The following RFC3 variants were observed in gnomAD, a reference collection of about 807,000 sequenced individuals.
RFC3 encodes A1 38 kDa subunit.
Under a neutral mutation model 45.1 loss-of-function variants are expected in RFC3, and 41 were observed. The observed-to-expected ratio is 0.91, with a 90% CI of 0.71 to 1.18. The LOEUF is 1.18. RFC3 is among the 50% of genes most tolerant of loss of function. The probability of loss-of-function intolerance (pLI) is 0.00; values close to 1 mark genes in which losing one functional copy is unlikely to be tolerated. For synonymous variants in RFC3, 149 were observed against 144.0 expected (o/e 1.03, Z -0.25); for missense variants, 423 against 428.1 (o/e 0.99, Z 0.10).
rs1300163388 is a variant in RFC3 at position 33,837,006 on chromosome 13, C to G, written c.*711C>G. Reference sequence around the variant, plus strand: ...TTTGTGTTTTGTCATTAGCTCTGCCCTTTTTAATTAAATATTTTGGTTCAT... The same window carrying G: ...TTTGTGTTTTGTCATTAGCTCTGCCGTTTTTAATTAAATATTTTGGTTCAT... On this transcript the variant is annotated 3_prime_UTR_variant, in exon 9 of 9. Transcript: ENST00000380071. 1 of 984,534 alleles carries G rather than the reference C, an allele frequency of 1.0e-6. No individual in the cohort carries two copies. Among genetic ancestry groups the G allele is most frequent in the East Asian group, 1.1e-4 (1 of 8,826 alleles). 61.0% of individuals were successfully genotyped at this position (984,534 alleles called of 1,614,324 possible). A position where few individuals can be genotyped will look rare whatever the true frequency, so the allele number is the denominator to read the frequency against.
In RFC3 at chr13:33,819,745, A is replaced by G. The variant is rs570783731; in HGVS notation, c.88-1387A>G. 1.8e-4 allele frequency among the ~76,000 whole-genome samples: 27 copies of G among 152,362 alleles called. 1 individual carries two copies. Among genetic ancestry groups the G allele is most frequent in the African/African-American group, 6.3e-4 (26 of 41,584 alleles). On this transcript the variant is annotated intron_variant, in intron 1 of 8. Coordinates refer to ENST00000380071, the MANE Select transcript of RFC3 (RefSeq NM_002915.4). Reference sequence around the variant, plus strand: ...TTTTGTTGTACAGAATTTGGAATGTATATTTTGGACATGAATTTAATATAA... The same window carrying G: ...TTTTGTTGTACAGAATTTGGAATGTGTATTTTGGACATGAATTTAATATAA...
intron 8 of RFC3, among the ~76,000 whole-genome samples, chr13:33,900,008 CAG>C (rs1274265376): frequency 6.6e-6 from 1 of 151,778 alleles, no homozygotes; most frequent in African/African-American, 2.4e-5. Flanking sequence ...ACCTGTAAAA[CAG>C]TGATAAAAGA....
At chr13:33,862,663 C>T (rs76096213) in intron 8 of RFC3, among the ~76,000 whole-genome samples, 3,055 of 152,144 alleles carry the variant, frequency 0.02, 54 homozygotes, top group South Asian at 0.04. Flanking sequence ...GTATTTTTGA[C>T]ATTCTATATT....
intron 8 of RFC3, chr13:33,847,651 A>AT (rs111715361): frequency 2.6e-5 from 4 of 151,198 alleles, no homozygotes; most frequent in Non-Finnish European, 5.9e-5. Context: ...CTCTTTACAC[A>AT]TTTTTTAAGT....
chr13:33,837,717 T>C (rs2139432677), downstream of RFC3, among the ~76,000 whole-genome samples: 1 of 152,224 alleles, frequency 6.6e-6, no homozygotes, highest in Admixed American at 6.5e-5. Flanking sequence ...TCCATTTATA[T>C]TTTATTACCT....
At chr13:33,968,673 T>C (rs187187599), downstream of RFC3, among the ~76,000 whole-genome samples, 3 of 152,324 alleles carry the variant, frequency 2.0e-5, no homozygotes, top group Admixed American at 2.0e-4. Context: ...CAAGAAATGA[T>C]TGTGCAGACC....
chr13:33,976,866 CA>C, the RFC3 span, among the ~76,000 whole-genome samples: 30 of 151,936 alleles, frequency 2.0e-4, 1 homozygote, highest in Admixed American at 1.8e-3. Flanking sequence ...AAGAGTTTAG[CA>C]TGAAAAAGGG....
At chr13:33,850,412 TAATATATC>T (rs1176501352) in intron 8 of RFC3, 1 of 152,142 alleles carries the variant, frequency 6.6e-6, no homozygotes, top group Non-Finnish European at 1.5e-5. Context: ...GAATACAGCT[TAATATATC>T]ATTATGAAAC....
chr13:33,974,419 G>C, the RFC3 span, among the ~76,000 whole-genome samples: 6 of 152,120 alleles, frequency 3.9e-5, no homozygotes, highest in Non-Finnish European at 7.4e-5. Flanking sequence ...GGCCCAGACT[G>C]CTGTTTTCTC....
chr13:33,885,659 G>A (rs1344016261), intron 8 of RFC3, among the ~76,000 whole-genome samples: 1 of 152,110 alleles, frequency 6.6e-6, no homozygotes, highest in Non-Finnish European at 1.5e-5. Flanking sequence ...TACTACTCTT[G>A]AGAAAGTAAA....
At chr13:33,835,800 CAAATTATT>C (rs2082148276) in intron 8 of RFC3, among the ~76,000 whole-genome samples, 2 of 152,098 alleles carry the variant, frequency 1.3e-5, no homozygotes, top group African/African-American at 2.4e-5. Context: ...AGGTTGTCTA[CAAATTATT>C]ATTGTTATTA....
the RFC3 span, among the ~76,000 whole-genome samples, chr13:33,971,767 A>AAT: frequency 2.0e-5 from 3 of 152,218 alleles, no homozygotes; most frequent in Non-Finnish European, 2.9e-5. Flanking sequence ...TGATTAAATA[A>AAT]ATATATATGT....
chr13:33,865,507 T>G (rs1348622761), intron 8 of RFC3, among the ~76,000 whole-genome samples: 1 of 152,184 alleles, frequency 6.6e-6, no homozygotes, highest in East Asian at 1.9e-4. Context: ...TAAATTCTTA[T>G]GAGCAAAATC....
chr13:33,953,888 A>G (rs1202104750), intron 8 of RFC3, among the ~76,000 whole-genome samples: 2 of 152,244 alleles, frequency 1.3e-5, no homozygotes, highest in Admixed American at 1.3e-4. Context: ...GTTAGGTAAC[A>G]TATACAGTGT....
rs2083025693 is a variant in RFC3 at position 33,956,927 on chromosome 13, T to A, written c.880-9160T>A. On this transcript the variant is annotated intron_variant, in intron 8 of 8. Transcript: ENST00000434425. ...ATATGTTTAGGTCTATGCAGAGATC[T>A]AATATCTGTCTGTATATATCTATTT... is the stretch of plus-strand genomic sequence containing the variant. Among the ~76,000 whole-genome samples, 3 of 152,344 alleles carry A rather than the reference T, an allele frequency of 2.0e-5. No homozygotes were observed. The South Asian group carries it at 6.2e-4, about 32-fold the overall frequency.
Position 33,819,834 on chromosome 13 carries a change from TA to T in RFC3, c.88-1296del, listed in dbSNP as rs536473541. On this transcript the variant is annotated intron_variant, in intron 1 of 8. Transcript: ENST00000380071. The stretch of plus-strand genomic sequence containing the variant: ...CCTGTTTACTCTTTTATTTGCAGCT[TA>T]ATCAAACTATGAAACATTTAAAGCA... 2.0e-3 allele frequency among the ~76,000 whole-genome samples: 306 copies of T among 152,344 alleles called. 1 individual carries two copies. Among genetic ancestry groups the T allele is most frequent in the African/African-American group, 6.8e-3 (283 of 41,582 alleles).
At chr13:33,835,995 A>G in intron 8 of RFC3, 109 bp from the exon 9 acceptor site, 2 of 1,103,814 alleles carry the variant, frequency 1.8e-6, no homozygotes, top group Admixed American at 3.0e-5. Flanking sequence ...AAGATCTCAC[A>G]CATATAAAGA....
intron 8 of RFC3, chr13:33,847,363 A>G (rs2082245307): frequency 6.6e-6 from 1 of 152,186 alleles, no homozygotes; most frequent in South Asian, 2.1e-4. Flanking sequence ...GTTCTTACAA[A>G]GGTGCTTTCT....
At chr13:33,873,662 T>G (rs2082427202) in intron 8 of RFC3, among the ~76,000 whole-genome samples, 1 of 152,202 alleles carries the variant, frequency 6.6e-6, no homozygotes. Flanking sequence ...CACTGTTTAC[T>G]CATGATGAGA....
Sources: gnomAD v4.1 joint callset for allele counts (sites outside exome capture counted in the v4.1 genomes callset) on GRCh38, gnomAD v4.1.1 for gene constraint, MANE v1.5 for transcripts, NCBI Gene and HGNC (gene_info 2026-07-23, HGNC 2026-07-21) for gene names.